RPL35A: variants seen among roughly 807,000 people sequenced by gnomAD.
The protein encoded by RPL35A is large ribosomal subunit protein eL33.
Under a neutral mutation model 16.7 loss-of-function variants are expected in RPL35A, and 1 was observed. That is an observed-to-expected ratio of 0.06 (90% CI 0.02 to 0.28). RPL35A has a LOEUF of 0.28. RPL35A is among the 10% of genes least tolerant of loss of function. RPL35A has a pLI of 1.00. For synonymous variants in RPL35A, 58 were observed against 47.0 expected, an observed-to-expected ratio of 1.23 and a Z score of -0.96; for missense variants, 91 against 138.7, an observed-to-expected ratio of 0.66 and a Z score of 1.73.
Position 197,954,065 on chromosome 3 carries a change from G to A in RPL35A, c.227G>A (p.Arg76Gln), listed in dbSNP as rs1720338562. 4.3e-6 allele frequency: 7 copies of A among 1,614,030 alleles called. No homozygotes were observed. The highest frequency in any genetic ancestry group is 5.9e-6 in the Non-Finnish European group (7 of 1,180,000). The change falls in exon 4 of 5, where the codon CGG becomes CAG. Residue 76 changes from arginine to glutamine, a missense_variant. Physicochemically the swap from Arg to Gln is conservative, Grantham distance 43. Transcript: ENST00000647248. Reference protein sequence around the residue: ...KTRVIWGKVTRAHGNSGMVRA... With the variant: ...KTRVIWGKVTQAHGNSGMVRA... ...AGAGTCATCTGGGGAAAAGTAACTC[G>A]GGCCCATGGAAACAGTGGCATGGTT...
Position 197,954,022 on chromosome 3 carries a change from G to T in RPL35A, c.184G>T (p.Gly62Cys), listed in dbSNP as rs146882967. ...AATCAGCAACACAGTCACTCCTGGC[G>T]GCAAACCAAACAAAACCAGAGTCAT... is the stretch of plus-strand genomic sequence containing the variant. ...KAKNNTVTPG[G>C]KPNKTRVIWG... Residue 62 changes from glycine to cysteine, a missense_variant, in exon 4 of 5, where the codon GGC (glycine) becomes TGC (cysteine). Physicochemically the swap from Gly to Cys is radical, Grantham distance 159 (BLOSUM62 -3). Transcript: ENST00000647248. 24 of 1,613,060 alleles carry T rather than the reference G, an allele frequency of 1.5e-5. No homozygotes were observed. The East Asian group carries it at 5.3e-4, about 36-fold the overall frequency.
intron 3 of RPL35A, chr3:197,951,541 C>T (rs1465071164): frequency 2.0e-6 from 1 of 502,882 alleles, no homozygotes; most frequent in South Asian, 2.0e-5. Flanking sequence ...TTAGTAGAGA[C>T]AGGGTATTGC....
chr3:197,950,419 C>A, intron 1 of RPL35A, 198 bp downstream of exon 1: 1 of 912,826 alleles, frequency 1.1e-6, no homozygotes, highest in Non-Finnish European at 1.4e-6. Context: ...GAACGGCTGC[C>A]CGGGTTATCC....
chr3:197,950,551 C>T (rs1719974065), intron 1 of RPL35A: 1 of 320,974 alleles, frequency 3.1e-6, no homozygotes, highest in Admixed American at 4.6e-5. Flanking sequence ...CTTGTCTGAC[C>T]AGTCTCTTTC....
At chr3:197,953,561 C>T in intron 3 of RPL35A, 1 of 457,438 alleles carries the variant, frequency 2.2e-6, no homozygotes, top group East Asian at 6.9e-5. Flanking sequence ...AGTGCCTGCG[C>T]TAGTCATCCC....
chr3:197,953,357 C>A (rs1397932830), intron 3 of RPL35A: 1 of 441,258 alleles, frequency 2.3e-6, no homozygotes, highest in African/African-American at 2.0e-5. Flanking sequence ...GCCTGGGTGA[C>A]AAGACAACCC....
chr3:197,950,706 C>T (rs1719993150), intron 1 of RPL35A: 5 of 571,464 alleles, frequency 8.7e-6, no homozygotes, highest in South Asian at 6.6e-5. Context: ...TGACTCCTGT[C>T]CCTTAGTTTT....
chr3:197,953,477 C>G (rs962547616), intron 3 of RPL35A: 30 of 456,722 alleles, frequency 6.6e-5, no homozygotes, highest in African/African-American at 6.0e-4. Flanking sequence ...CCATAATTCT[C>G]TTTATCTCAG....
intron 3 of RPL35A, chr3:197,952,528 CTT>C (rs563981718): frequency 7.4e-4 from 113 of 151,798 alleles, no homozygotes; most frequent in African/African-American, 2.6e-3. Flanking sequence ...GAGTTTTGCT[CTT>C]GTTATCCAGG....
chr3:197,950,342 T>G (rs1000619386), intron 1 of RPL35A, 121 bp downstream of exon 1: 3 of 1,225,634 alleles, frequency 2.4e-6, no homozygotes, highest in Non-Finnish European at 2.0e-6. Context: ...TCTACGGGTT[T>G]CAAGAAGAGG....
chr3:197,954,493 C>G, intron 4 of RPL35A: 2 of 349,810 alleles, frequency 5.7e-6, no homozygotes, highest in Non-Finnish European at 1.1e-5. Flanking sequence ...GCCACCACAC[C>G]CAGCTAATTT....
At chr3:197,950,784 C>A in intron 1 of RPL35A, 152 bp from the exon 2 acceptor site, 1 of 664,972 alleles carries the variant, frequency 1.5e-6, no homozygotes. Flanking sequence ...CCGGACCCTG[C>A]GTTTCATATG....
intron 1 of RPL35A, chr3:197,950,661 T>A (rs1441738557): frequency 1.6e-5 from 8 of 509,472 alleles, no homozygotes; most frequent in African/African-American, 1.3e-4. Context: ...GATAACGGCA[T>A]GCATTTTCTC....
At chr3:197,952,162 G>GTTTGTTT (rs1560121297) in intron 3 of RPL35A, among the ~76,000 whole-genome samples, 1 of 83,860 alleles carries the variant, frequency 1.2e-5, no homozygotes, top group South Asian at 4.7e-4. Context: ...AAAATTATGG[G>GTTTGTTT]TTTTTTTTTT....
At chr3:197,952,023 T>C (rs1720137013) in intron 3 of RPL35A, among the ~76,000 whole-genome samples, 1 of 152,192 alleles carries the variant, frequency 6.6e-6, no homozygotes, top group African/African-American at 2.4e-5. Context: ...TTTGCACTTG[T>C]AAGCAATAAA....
chr3:197,950,214 C>T lies in RPL35A; in HGVS notation c.-40C>T. On this transcript the variant is annotated 5_prime_UTR_variant, in exon 1 of 5. Coordinates refer to ENST00000647248, the MANE Select transcript of RPL35A (RefSeq NM_000996.4). ...CCTTCTCTTACCGCCATCTTGGCTC[C>T]TGTGGAGGTGAGTGAAGGGTCTGCT... The T allele has an allele frequency of 8.1e-7, 1 of 1,231,450 alleles. No homozygotes were observed. Among genetic ancestry groups the T allele is most frequent in the South Asian group, 4.1e-5 (1 of 24,166 alleles). The allele number at this position is 1,231,450 out of a possible 1,614,324, so 76.3% of individuals were successfully genotyped here. A position where few individuals can be genotyped will look rare whatever the true frequency, so the allele number is the denominator to read the frequency against.
At chr3:197,952,780 A>T (rs547081076) in intron 3 of RPL35A, among the ~76,000 whole-genome samples, 74 of 151,270 alleles carry the variant, frequency 4.9e-4, no homozygotes, top group South Asian at 2.5e-3. Flanking sequence ...AGCGCAAGTC[A>T]CTGCACCAGG....
At position 197,956,023 on chromosome 3, in the gene RPL35A, T is replaced by C. The variant is rs1262753264; in HGVS notation, c.*250T>C. 2.0e-6 allele frequency: 1 copy of C among 491,454 alleles called. No individual in the cohort carries two copies. The highest frequency in any genetic ancestry group is 2.1e-5 in the South Asian group (1 of 47,998). The allele number at this position is 491,454 out of a possible 1,614,324, so 30.4% of individuals were successfully genotyped here. ...TTGCTCTGTTGCCCATGCTGGAGTG[T>C]AGTGGTGCTCGCTGCAGCCTCACAT... On this transcript the variant is annotated 3_prime_UTR_variant, in exon 5 of 5. Coordinates refer to ENST00000647248, the MANE Select transcript of RPL35A (RefSeq NM_000996.4).
At chr3:197,950,309 G>C (rs1453169585) in intron 1 of RPL35A, 88 bp downstream of exon 1, 1 of 1,229,342 alleles carries the variant, frequency 8.1e-7, no homozygotes, top group Non-Finnish European at 1.0e-6. Flanking sequence ...GGTGCGTATC[G>C]GAGTCTCTGC....
Sources: allele counts gnomAD v4.1 joint callset (sites outside exome capture counted in the v4.1 genomes callset), GRCh38; gene constraint gnomAD v4.1.1; transcripts MANE v1.5; gene names NCBI Gene and HGNC (gene_info 2026-07-23, HGNC 2026-07-21).